RBM6: variants seen among roughly 807,000 people sequenced by gnomAD.
The protein encoded by RBM6 is RNA binding motif protein 6, also known as RNA-binding protein 6.
A neutral mutation model predicts 140.4 loss-of-function variants in RBM6; 23 were observed. The observed-to-expected ratio is 0.16, with a 90% CI of 0.12 to 0.23. The LOEUF is 0.23. Among genes scored for constraint, RBM6 ranks in the 10% least tolerant of loss-of-function variants. The pLI, the probability that RBM6 is intolerant of heterozygous loss-of-function variation, is 1.00. For synonymous variants in RBM6, 439 were observed against 475.6 expected, an observed-to-expected ratio of 0.92 and a Z score of 1.00; for missense variants, 1,139 against 1,386.7, an observed-to-expected ratio of 0.82 and a Z score of 2.84.
chr3:50,042,753 T>A (rs74668868), intron 6 of RBM6, among the ~76,000 whole-genome samples: 5,854 of 148,604 alleles, frequency 0.039, 373 homozygotes, highest in African/African-American at 0.13. Context: ...GTCTTTTTTT[T>A]AAAAAAAAAA....
intron 6 of RBM6, among the ~76,000 whole-genome samples, chr3:50,025,630 G>C (rs1213386172): frequency 9.7e-6 from 1 of 103,040 alleles, no homozygotes; most frequent in African/African-American, 3.4e-5. Context: ...TCACTATGTT[G>C]CCCAGGCTGG....
At chr3:49,988,548 G>T (rs2108696233) in intron 5 of RBM6, among the ~76,000 whole-genome samples, 1 of 152,096 alleles carries the variant, frequency 6.6e-6, no homozygotes, top group South Asian at 2.1e-4. Context: ...TCATTCATTT[G>T]CTTTAGAGGT....
At chr3:50,044,838 T>G (rs2108869747) in intron 6 of RBM6, among the ~76,000 whole-genome samples, 1 of 152,352 alleles carries the variant, frequency 6.6e-6, no homozygotes, top group Admixed American at 6.5e-5. Flanking sequence ...GTTTGTCCTA[T>G]GACTACCTAT....
chr3:49,983,315 T>G (rs184723405), intron 5 of RBM6, among the ~76,000 whole-genome samples: 1 of 152,310 alleles, frequency 6.6e-6, no homozygotes, highest in African/African-American at 2.4e-5. Flanking sequence ...AACTCGAGAA[T>G]TGACACTGAT....
At chr3:50,000,414 T>A (rs576644211) in intron 6 of RBM6, among the ~76,000 whole-genome samples, 73 of 151,150 alleles carry the variant, frequency 4.8e-4, no homozygotes, top group Non-Finnish European at 8.6e-4. Context: ...CCCAGAATCT[T>A]TCTTTCTTTC....
rs542945703 is a variant in RBM6 at position 49,948,785 on chromosome 3, C to T, written c.-67+8560C>T. Among the ~76,000 whole-genome samples, 525 of 148,338 alleles carry T rather than the reference C, an allele frequency of 3.5e-3. 2 individuals carry two copies. Among genetic ancestry groups the T allele is most frequent in the African/African-American group, 0.013 (513 of 40,564 alleles). The stretch of plus-strand genomic sequence containing the variant: ...TGCAGTGAGCTGAGATTGCACCCTG[C>T]ACTCCAGCCTGGGCAACAGAGTGAG... On this transcript the variant is annotated intron_variant, in intron 1 of 20. Coordinates refer to ENST00000266022, the MANE Select transcript of RBM6 (RefSeq NM_005777.3).
At chr3:49,951,650 A>G (rs1237126502) in intron 1 of RBM6, among the ~76,000 whole-genome samples, 1 of 151,860 alleles carries the variant, frequency 6.6e-6, no homozygotes, top group Non-Finnish European at 1.5e-5. Flanking sequence ...GGCTCACTGC[A>G]TCCTCTGCCT....
chr3:50,049,301 G>T (rs1167483300), intron 7 of RBM6, among the ~76,000 whole-genome samples: 3 of 151,886 alleles, frequency 2.0e-5, no homozygotes, highest in Admixed American at 6.6e-5. Flanking sequence ...TAGTAGAGAT[G>T]GGGTTTCACC....
chr3:50,058,789 G>A (rs2089820039), intron 10 of RBM6: 3 of 308,418 alleles, frequency 9.7e-6, no homozygotes, highest in South Asian at 4.8e-5. Flanking sequence ...GGTGGCAGGC[G>A]CCTGTAGTCG....
At position 49,967,347 on chromosome 3, in the gene RBM6, T is replaced by TA; in HGVS notation, c.45-122dup. 6.7e-7 allele frequency: 1 copy of TA among 1,488,466 alleles called. No individual in the cohort carries two copies. Among genetic ancestry groups the TA allele is most frequent in the Admixed American group, 2.6e-5 (1 of 39,038 alleles). 92.2% of individuals were successfully genotyped at this position (1,488,466 alleles called of 1,614,324 possible). ...GTTTTCTGCAGATCTAGGACCTTGT[T>TA]ACAGAACTCTGCCAAAAAAAAAATG... is the stretch of plus-strand genomic sequence containing the variant. On this transcript the variant is annotated intron_variant, in intron 2 of 20. Transcript: ENST00000266022. The surrounding 1 kb of genome is among the most constrained non-coding windows in gnomAD (Gnocchi z 4.0).
At chr3:50,067,450 C>G (rs2090159966) in intron 17 of RBM6, among the ~76,000 whole-genome samples, 1 of 152,164 alleles carries the variant, frequency 6.6e-6, no homozygotes, top group Non-Finnish European at 1.5e-5. Flanking sequence ...CTCATCTTAG[C>G]TGTGTCATTA....
At chr3:49,960,608 C>T (rs1265332388) in intron 1 of RBM6, among the ~76,000 whole-genome samples, 2 of 152,076 alleles carry the variant, frequency 1.3e-5, no homozygotes, top group African/African-American at 4.8e-5. Flanking sequence ...TTGCCAAATC[C>T]AAGGTCATGA....
intron 6 of RBM6, among the ~76,000 whole-genome samples, chr3:50,047,954 T>C (rs1168685151): frequency 6.6e-6 from 1 of 152,114 alleles, no homozygotes; most frequent in Admixed American, 6.6e-5. Flanking sequence ...TTACCTGACC[T>C]CTGGACAAGT....
intron 1 of RBM6, among the ~76,000 whole-genome samples, chr3:49,944,235 G>A (rs892650573): frequency 6.6e-6 from 1 of 152,004 alleles, no homozygotes; most frequent in Admixed American, 6.6e-5. Context: ...CATGTAAGTG[G>A]AATCATATAA....
In RBM6 at chr3:50,015,435, T is replaced by TA. The variant is rs1396156958; in HGVS notation, c.1557+15922_1557+15923insA. Among the ~76,000 whole-genome samples the TA allele has an allele frequency of 1.1e-3, 165 of 143,694 alleles. 1 individual carries two copies. Among genetic ancestry groups the TA allele is most frequent in the South Asian group, 5.3e-3 (24 of 4,526 alleles). The allele number at this position is 143,694 out of a possible 152,430, so 94.3% of individuals were successfully genotyped here. A position where few individuals can be genotyped will look rare whatever the true frequency, so the allele number is the denominator to read the frequency against. ...TTTTATTTTATTATTATTATTATTT[T>TA]TTTTTTTTTTTTTGAGATGGAGCCT... On this transcript the variant is annotated intron_variant, in intron 6 of 20. Transcript: ENST00000266022.
Position 49,967,309 on chromosome 3 carries a change from G to A in RBM6, c.45-161G>A. The A allele has an allele frequency of 1.4e-6, 2 of 1,409,684 alleles. No individual in the cohort carries two copies. The highest frequency in any genetic ancestry group is 2.9e-5 in the Admixed American group (1 of 34,168). The allele number at this position is 1,409,684 out of a possible 1,614,324, so 87.3% of individuals were successfully genotyped here. ...TACTCCGCCACTTCGTCTTAAAATA[G>A]CAAAACTTTGCTGTTTTCTGCAGAT... On this transcript the variant is annotated intron_variant, in intron 2 of 20. Coordinates refer to ENST00000266022, the MANE Select transcript of RBM6 (RefSeq NM_005777.3). This position sits in a 1 kb window ranked among gnomAD's most constrained non-coding sequence, Gnocchi z 4.0.
At chr3:49,973,115 G>A (rs1400099078) in intron 4 of RBM6, among the ~76,000 whole-genome samples, 1 of 151,960 alleles carries the variant, frequency 6.6e-6, no homozygotes, top group Non-Finnish European at 1.5e-5. Flanking sequence ...ACAGGCATGA[G>A]CCACCAAGCC....
chr3:49,942,206 T>C (rs2108557988), intron 1 of RBM6, among the ~76,000 whole-genome samples: 1 of 152,158 alleles, frequency 6.6e-6, no homozygotes, highest in Admixed American at 6.6e-5. Flanking sequence ...AGTATACAAT[T>C]CAGCCAGGCA....
At position 49,968,276 on chromosome 3, in the gene RBM6, A is replaced by G. The variant is rs750743281; in HGVS notation, c.851A>G (p.Glu284Gly). ...TCTTGTATGGAATTTAAAGATAGGGAGATGCCCCCTGTGGATCCAAATATT... is the reference window on the plus strand; with the variant it reads ...TCTTGTATGGAATTTAAAGATAGGGGGATGCCCCCTGTGGATCCAAATATT... ...MGSCMEFKDR[E>G]MPPVDPNILD... is the part of the protein sequence containing the mutation. Residue 284 changes from glutamate (E) to glycine (G), a missense_variant, in exon 3 of 21, where the codon GAG becomes GGG. This residue lies in a region of RBM6 where 566 missense variants were observed against 612.7 expected (regional missense o/e 0.92). Coordinates refer to ENST00000266022, the MANE Select transcript of RBM6 (RefSeq NM_005777.3). 1.9e-6 allele frequency: 3 copies of G among 1,614,122 alleles called. No homozygotes were observed. The South Asian group carries it at 3.3e-5, about 18-fold the overall frequency.
Sources: gnomAD v4.1 joint callset for allele counts (sites outside exome capture counted in the v4.1 genomes callset) on GRCh38, gnomAD v4.1.1 for gene constraint, gnomAD v4.1.1 regional missense constraint, Gnocchi (gnomAD v3.1) non-coding constraint, MANE v1.5 for transcripts, NCBI Gene and HGNC (gene_info 2026-07-23, HGNC 2026-07-21) for gene names.